SYNJ2: variants seen among roughly 807,000 people sequenced by gnomAD.
SYNJ2 encodes the protein synaptojanin 2, also known as polyphosphatidylinositol phosphatase SYNJ2.
A neutral mutation model predicts 141.3 loss-of-function variants in SYNJ2; 116 were observed. The observed-to-expected ratio is 0.82, with a 90% CI of 0.71 to 0.96. The LOEUF (loss-of-function observed/expected upper bound fraction) is 0.96. Ranked by LOEUF, SYNJ2 falls within the 40% of genes least tolerant of loss-of-function variation. The pLI is 0.00. For synonymous variants in SYNJ2, 745 were observed against 777.7 expected (o/e 0.96, Z 0.70); for missense variants, 1,873 against 1,934.8 (o/e 0.97, Z 0.60).
chr6:158,022,774 G>A (rs1449663988), intron 2 of SYNJ2, among the ~76,000 whole-genome samples: 1 of 152,206 alleles, frequency 6.6e-6, no homozygotes, highest in Non-Finnish European at 1.5e-5. Context: ...TAGCTTCTTG[G>A]CTGTCAGAGA....
chr6:158,039,902 C>T (rs1392367389), intron 4 of SYNJ2, among the ~76,000 whole-genome samples: 2 of 152,164 alleles, frequency 1.3e-5, no homozygotes. Flanking sequence ...ACAGGATCCA[C>T]CAGCCAGGCC....
chr6:158,094,409 A>C (rs111584317), intron 26 of SYNJ2, among the ~76,000 whole-genome samples: 1 of 151,602 alleles, frequency 6.6e-6, no homozygotes, highest in Admixed American at 6.6e-5. Flanking sequence ...AAAAAAAAAA[A>C]AAAAAAAAAC....
chr6:158,018,848 T>C (rs530764786), intron 2 of SYNJ2, among the ~76,000 whole-genome samples: 1 of 152,372 alleles, frequency 6.6e-6, no homozygotes, highest in Admixed American at 6.5e-5. Context: ...GCTTGCTTTT[T>C]CTGTGGAAAT....
intron 15 of SYNJ2, among the ~76,000 whole-genome samples, chr6:158,072,737 TAA>T (rs5881235): frequency 0.63 from 93,875 of 148,170 alleles, 29,704 homozygotes; most frequent in Middle Eastern, 0.7. Context: ...TAATGCAGTT[TAA>T]AAAAAAAAAA....
chr6:158,016,961 C>A, intron 1 of SYNJ2: 1 of 1,202,884 alleles, frequency 8.3e-7, no homozygotes, highest in Non-Finnish European at 1.0e-6. Context: ...CCCAGCTCCT[C>A]CAGCCCCCAG....
At position 158,078,199 on chromosome 6, in the gene SYNJ2, G is replaced by A; in HGVS notation, c.2485G>A (p.Val829Ile). The change falls in exon 18 of 27, where the codon GTT becomes ATT. Residue 829 changes from valine to isoleucine, a missense_variant. Coordinates refer to ENST00000355585, the MANE Select transcript of SYNJ2 (RefSeq NM_003898.4). ...CAACCTTCTAGACAGTGATCTAGAT[G>A]TTGACACCAAAGTCAGACACACCTG... ...ELNLLDSDLD[V>I]DTKVRHTWSP... 1 of 1,614,030 alleles carries A rather than the reference G, an allele frequency of 6.2e-7. No individual in the cohort carries two copies. Among genetic ancestry groups the A allele is most frequent in the Non-Finnish European group, 8.5e-7 (1 of 1,179,922 alleles).
intron 7 of SYNJ2, among the ~76,000 whole-genome samples, chr6:158,060,108 G>T (rs1448587924): frequency 1.3e-5 from 2 of 152,320 alleles, no homozygotes; most frequent in East Asian, 3.9e-4. Flanking sequence ...AGGAACTTCG[G>T]TGGCTTTCCC....
chr6:158,034,466 G>C (rs756125201), intron 4 of SYNJ2, among the ~76,000 whole-genome samples: 2 of 152,308 alleles, frequency 1.3e-5, no homozygotes, highest in East Asian at 3.9e-4. Flanking sequence ...TGCCTTATGC[G>C]GACTTTGGCC....
At chr6:158,089,103 G>C (rs974934219) in intron 24 of SYNJ2, among the ~76,000 whole-genome samples, 11 of 152,158 alleles carry the variant, frequency 7.2e-5, no homozygotes, top group Non-Finnish European at 1.6e-4. Flanking sequence ...GAGAAATTCA[G>C]GTCGTTATCC....
intron 1 of SYNJ2, among the ~76,000 whole-genome samples, chr6:158,005,711 C>G (rs12201369): frequency 0.075 from 11,404 of 152,106 alleles, 553 homozygotes; most frequent in South Asian, 0.22. Context: ...TCCACTCCCC[C>G]ACCCTCCCAG....
Position 158,027,060 on chromosome 6 carries a change from TAGC to T in SYNJ2, c.215-1690_215-1688del. 1 of 985,360 alleles carries T rather than the reference TAGC, an allele frequency of 1.0e-6. No homozygotes were observed. The highest frequency in any genetic ancestry group is 4.7e-5 in the South Asian group (1 of 21,288). The allele number at this position is 985,360 out of a possible 1,614,324, so 61.0% of individuals were successfully genotyped here. A position where few individuals can be genotyped will look rare whatever the true frequency, so the allele number is the denominator to read the frequency against. On this transcript the variant is annotated intron_variant, in intron 2 of 26. Coordinates refer to ENST00000355585, the MANE Select transcript of SYNJ2 (RefSeq NM_003898.4). The surrounding 1 kb of genome is among the most constrained non-coding windows in gnomAD (Gnocchi z 4.6). ...CTGCTGGCAGCCCCACCCCATGGCATAGCAGCAGGCCCCTGGGAGCCCTGAGCG... is the reference window on the plus strand; with the variant it reads ...CTGCTGGCAGCCCCACCCCATGGCATAGCAGGCCCCTGGGAGCCCTGAGCG...
intron 25 of SYNJ2, among the ~76,000 whole-genome samples, 193 bp from the exon 26 acceptor site, chr6:158,092,733 C>A (rs1783542246): frequency 6.6e-6 from 1 of 152,040 alleles, no homozygotes; most frequent in African/African-American, 2.4e-5. Context: ...CCGCTGCACT[C>A]CGGCCTGGGT....
chr6:158,087,344 G>T (rs919167318), intron 23 of SYNJ2, among the ~76,000 whole-genome samples: 4 of 152,210 alleles, frequency 2.6e-5, no homozygotes, highest in Non-Finnish European at 5.9e-5. Context: ...CTGCTGCGCA[G>T]TCCTCCCTCT....
At position 158,028,806 on chromosome 6, in the gene SYNJ2, G is replaced by C. The variant is rs766256687; in HGVS notation, c.265G>C (p.Gly89Arg). 3 of 1,614,132 alleles carry C rather than the reference G, an allele frequency of 1.9e-6. No homozygotes were observed. The highest frequency in any genetic ancestry group is 1.7e-6 in the Non-Finnish European group (2 of 1,180,024). ...LVLVTGCTSV[G>R]RIPDAEIYKI... ...GTTGGTGACAGGCTGCACATCTGTG[G>C]GCAGAATTCCAGATGCTGAAATCTA... Residue 89 changes from glycine to arginine, a missense_variant, in exon 3 of 27, where the codon GGC becomes CGC. Physicochemically the swap from Gly to Arg is moderately radical, Grantham distance 125. Transcript: ENST00000355585.
chr6:158,020,989 C>G (rs992802993), intron 2 of SYNJ2, among the ~76,000 whole-genome samples: 2 of 152,138 alleles, frequency 1.3e-5, no homozygotes, highest in African/African-American at 4.8e-5. Flanking sequence ...CCTGAAATGC[C>G]AGCAGGAAGG....
intron 1 of SYNJ2, among the ~76,000 whole-genome samples, chr6:157,989,426 G>GAA (rs1447797409): frequency 3.3e-4 from 13 of 39,072 alleles, no homozygotes; most frequent in East Asian, 8.4e-4. Flanking sequence ...GTAAAAAAAT[G>GAA]AATATATATA....
Position 158,035,634 on chromosome 6 carries a change from G to A in SYNJ2, c.711+1954G>A, listed in dbSNP as rs376239657. On this transcript the variant is annotated intron_variant, in intron 4 of 26. Transcript: ENST00000355585. Reference sequence around the variant, plus strand: ...TTGATTCCTCTCTTCCTATTGGGATGCCCTTTATTTCTTTCTCTTGCCTGA... The same window carrying A: ...TTGATTCCTCTCTTCCTATTGGGATACCCTTTATTTCTTTCTCTTGCCTGA... 2.2e-4 allele frequency among the ~76,000 whole-genome samples: 34 copies of A among 152,270 alleles called. No homozygotes were observed. The East Asian group carries it at 3.9e-3, about 17-fold the overall frequency.
At chr6:158,067,079 C>T (rs573497569) in intron 12 of SYNJ2, among the ~76,000 whole-genome samples, 7 of 152,300 alleles carry the variant, frequency 4.6e-5, no homozygotes, top group South Asian at 2.1e-4. Context: ...AGTGTAGTGA[C>T]GCAATCTCGG....
At chr6:158,059,387 G>T in intron 7 of SYNJ2, 34 bp downstream of exon 7, 3 of 1,547,038 alleles carry the variant, frequency 1.9e-6, no homozygotes, top group Non-Finnish European at 2.6e-6. Flanking sequence ...CAGCTGGGCT[G>T]GGCGGCAGGT....
Sources: allele counts gnomAD v4.1 joint callset (sites outside exome capture counted in the v4.1 genomes callset), GRCh38; gene constraint gnomAD v4.1.1; non-coding constraint Gnocchi (gnomAD v3.1); transcripts MANE v1.5; gene names NCBI Gene and HGNC (gene_info 2026-07-23, HGNC 2026-07-21).